The following PDE11A variants were observed in gnomAD, a reference collection of about 807,000 sequenced individuals.
PDE11A encodes the protein dual 3',5'-cyclic-AMP and -GMP phosphodiesterase 11A.
In PDE11A, 100 loss-of-function variants were observed where a neutral mutation model predicts 100.5. That is an observed-to-expected ratio of 1.00 (90% CI 0.85 to 1.18). The LOEUF (loss-of-function observed/expected upper bound fraction) is 1.18, where lower values mean the gene tolerates loss of function less well. Ranked by LOEUF, PDE11A falls within the 50% of genes most tolerant of loss-of-function variation. The pLI, the probability that PDE11A is intolerant of heterozygous loss-of-function variation, is 0.00. For synonymous variants in PDE11A, 381 were observed against 420.8 expected (o/e 0.91, Z 1.16); for missense variants, 1,141 against 1,152.6 (o/e 0.99, Z 0.15).
chr2:177,956,416 G>T (rs1014704482), intron 2 of PDE11A, among the ~76,000 whole-genome samples: 1 of 152,216 alleles, frequency 6.6e-6, no homozygotes, highest in Non-Finnish European at 1.5e-5. Context: ...AACAACAGGT[G>T]CTGGAAAGGA....
At chr2:178,066,845 C>T (rs1249819907) in intron 1 of PDE11A, among the ~76,000 whole-genome samples, 7 of 152,176 alleles carry the variant, frequency 4.6e-5, no homozygotes, top group South Asian at 2.1e-4. Context: ...GCAATCCCTT[C>T]GGACTCTCAG....
intron 2 of PDE11A, among the ~76,000 whole-genome samples, chr2:177,936,047 C>T (rs1470881434): frequency 6.6e-6 from 1 of 152,134 alleles, no homozygotes; most frequent in Non-Finnish European, 1.5e-5. Flanking sequence ...TCTTCTAAGA[C>T]ATCTATGTAT....
At chr2:178,071,465 C>T in intron 1 of PDE11A, 61 bp downstream of exon 1, 6 of 1,607,754 alleles carry the variant, frequency 3.7e-6, no homozygotes, top group Non-Finnish European at 4.3e-6. Context: ...CAGATGATAA[C>T]CGAAGGCTTA....
intron 5 of PDE11A, among the ~76,000 whole-genome samples, chr2:177,870,329 G>A (rs1292826473): frequency 6.6e-6 from 1 of 152,134 alleles, no homozygotes; most frequent in East Asian, 1.9e-4. Flanking sequence ...TTCAATGCCA[G>A]ACCACACTGT....
chr2:177,764,379 G>T (rs1032281266), intron 10 of PDE11A, among the ~76,000 whole-genome samples: 2 of 152,156 alleles, frequency 1.3e-5, no homozygotes, highest in African/African-American at 4.8e-5. Flanking sequence ...CCCATGCAGT[G>T]CTCAATTGAA....
chr2:177,785,409 A>G (rs944940283), intron 9 of PDE11A, among the ~76,000 whole-genome samples: 1 of 152,240 alleles, frequency 6.6e-6, no homozygotes, highest in African/African-American at 2.4e-5. Context: ...AGGGCAGCCA[A>G]GATGGCCGAA....
At position 177,905,110 on chromosome 2, in the gene PDE11A, A is replaced by G. The variant is rs769095538; in HGVS notation, c.1149T>C (p.Tyr383=). 2 of 1,586,138 alleles carry G rather than the reference A, an allele frequency of 1.3e-6. No individual in the cohort carries two copies. Among genetic ancestry groups the G allele is most frequent in the Non-Finnish European group, 1.7e-6 (2 of 1,154,420 alleles). The change falls in exon 3 of 20, where the codon TAT becomes TAC. Residue 383 remains tyrosine, a synonymous_variant. Transcript: ENST00000286063. The part of the protein sequence containing the change: ...AQLFAASRKE[Y]ERSRALLEVV... ...TTTATTTACTCACTCTGCTTCTTTC[A>G]TATTCTTTCCTTGAGGCAGCAAAGA...
chr2:178,085,752 A>G (rs112249624), intron 2 of PDE11A, among the ~76,000 whole-genome samples: 121 of 152,302 alleles, frequency 7.9e-4, no homozygotes, highest in African/African-American at 2.6e-3. Flanking sequence ...ATCTGCAACT[A>G]TTTCTCATCT....
intron 10 of PDE11A, among the ~76,000 whole-genome samples, chr2:177,747,609 A>G (rs931439319): frequency 6.6e-6 from 1 of 152,218 alleles, no homozygotes; most frequent in Non-Finnish European, 1.5e-5. Flanking sequence ...TGTTGGAATT[A>G]TCCTTTTCAC....
In PDE11A at chr2:177,713,904, T is replaced by G. The variant is rs148255181; in HGVS notation, c.2044-2026A>C. ...ATCAGTAGTCCCTCATTATTCTCCT[T>G]TCTTGATTCCTGAAGGCAACTACTT... is the stretch of plus-strand genomic sequence containing the variant. On this transcript the variant is annotated intron_variant, in intron 12 of 19. Transcript: ENST00000286063. Among the ~76,000 whole-genome samples the G allele has an allele frequency of 6.1e-3, 935 of 152,112 alleles. 14 individuals carry two copies. Among genetic ancestry groups the G allele is most frequent in the African/African-American group, 0.021 (887 of 41,524 alleles).
intron 13 of PDE11A, among the ~76,000 whole-genome samples, chr2:177,709,717 G>T (rs1248893168): frequency 2.6e-5 from 4 of 152,190 alleles, no homozygotes; most frequent in African/African-American, 4.8e-5. Flanking sequence ...GAGATTCAAG[G>T]TTGTACAGGT....
intron 10 of PDE11A, among the ~76,000 whole-genome samples, chr2:177,762,793 G>A (rs1187612246): frequency 6.6e-6 from 1 of 152,180 alleles, no homozygotes; most frequent in Non-Finnish European, 1.5e-5. Context: ...ATAGAAAGAA[G>A]TGACAAATAG....
intron 2 of PDE11A, among the ~76,000 whole-genome samples, chr2:178,090,943 T>C (rs1390860002): frequency 6.6e-6 from 1 of 152,190 alleles, no homozygotes; most frequent in Non-Finnish European, 1.5e-5. Context: ...ACCAGATGCA[T>C]TAAGAGTAAG....
intron 10 of PDE11A, among the ~76,000 whole-genome samples, chr2:177,742,262 G>T (rs2081883161): frequency 6.6e-6 from 1 of 151,768 alleles, no homozygotes; most frequent in South Asian, 2.1e-4. Context: ...ATCCTGTTTA[G>T]AAAAGGTCCA....
intron 4 of PDE11A, among the ~76,000 whole-genome samples, chr2:177,885,201 A>AGTGT (rs5836630): frequency 0.26 from 39,191 of 149,184 alleles, 5,250 homozygotes; most frequent in African/African-American, 0.33. Flanking sequence ...TAATGATGTG[A>AGTGT]GTGTGTGTGT....
chr2:177,750,381 A>G (rs1465906710), intron 10 of PDE11A, among the ~76,000 whole-genome samples: 2 of 151,706 alleles, frequency 1.3e-5, no homozygotes, highest in South Asian at 2.1e-4. Context: ...AATTCCTGAG[A>G]TAAGTCTTTA....
At chr2:177,915,013 C>T (rs2084931735) in intron 2 of PDE11A, among the ~76,000 whole-genome samples, 1 of 151,836 alleles carries the variant, frequency 6.6e-6, no homozygotes, top group Admixed American at 6.6e-5. Context: ...GTACTTTATT[C>T]CTTTTAAAAT....
chr2:177,785,126 C>A (rs1245008444), intron 9 of PDE11A, among the ~76,000 whole-genome samples: 2 of 152,178 alleles, frequency 1.3e-5, no homozygotes, highest in African/African-American at 4.8e-5. Flanking sequence ...GCTCACTAGA[C>A]CTGTAACCTT....
intron 2 of PDE11A, among the ~76,000 whole-genome samples, chr2:177,910,311 G>A (rs1007625715): frequency 6.6e-6 from 1 of 151,994 alleles, no homozygotes; most frequent in Non-Finnish European, 1.5e-5. Context: ...TTTGAAAAGA[G>A]GCAGTAAGAA....
Sources: allele counts gnomAD v4.1 joint callset (sites outside exome capture counted in the v4.1 genomes callset), GRCh38; gene constraint gnomAD v4.1.1; transcripts MANE v1.5; gene names NCBI Gene and HGNC (gene_info 2026-07-23, HGNC 2026-07-21).